Variants in LINGO2 observed in about 807,000 individuals in gnomAD.
LINGO2 encodes the protein leucine rich repeat and Ig domain containing 2.
Under a neutral mutation model 30.6 loss-of-function variants are expected in LINGO2, and 14 were observed. The observed-to-expected ratio is 0.46, with a 90% CI of 0.30 to 0.72. The LOEUF (loss-of-function observed/expected upper bound fraction) is 0.72, where lower values mean the gene tolerates loss of function less well. Ranked by LOEUF, LINGO2 falls within the 30% of genes least tolerant of loss-of-function variation. The pLI, the probability that LINGO2 is intolerant of heterozygous loss-of-function variation, is 0.07. For missense variants in LINGO2, 729 were observed against 751.7 expected (o/e 0.97, Z 0.35); for synonymous variants, 317 against 288.5 (o/e 1.10, Z -1.00).
intron 4 of LINGO2, among the ~76,000 whole-genome samples, chr9:28,181,974 A>C (rs533993314): frequency 3.4e-4 from 52 of 152,272 alleles, no homozygotes; most frequent in African/African-American, 1.1e-3. Flanking sequence ...TTTAAATTTC[A>C]TATGGAATCA....
At chr9:28,860,590 GGATA>G in the LINGO2 span, among the ~76,000 whole-genome samples, 102 of 150,612 alleles carry the variant, frequency 6.8e-4, no homozygotes, top group East Asian at 3.1e-3. Flanking sequence ...ATAGATAGAT[GGATA>G]GATAGATAGA....
Position 28,434,349 on chromosome 9 carries a change from G to GA in LINGO2, c.-279+41590dup, listed in dbSNP as rs5897300. On this transcript the variant is annotated intron_variant, in intron 2 of 5. Transcript: ENST00000379992. The stretch of plus-strand genomic sequence containing the variant: ...AAATAAAAAAAATTAAGAAAAAAAG[G>GA]AAAAAAAAAAAAGAGAGAAGAGTCT... Among the ~76,000 whole-genome samples the GA allele has an allele frequency of 1.1e-3, 156 of 144,520 alleles. 1 individual carries two copies. The highest frequency in any genetic ancestry group is 7.0e-3 in the East Asian group (34 of 4,886). 94.8% of individuals were successfully genotyped at this position (144,520 alleles called of 152,430 possible). A position where few individuals can be genotyped will look rare whatever the true frequency, so the allele number is the denominator to read the frequency against.
chr9:29,054,890 T>G, the LINGO2 span, among the ~76,000 whole-genome samples: 1 of 152,134 alleles, frequency 6.6e-6, no homozygotes. Flanking sequence ...TATTGAGTAT[T>G]AAACCATGAT....
At chr9:28,339,659 C>G (rs2134383202) in intron 3 of LINGO2, among the ~76,000 whole-genome samples, 1 of 152,266 alleles carries the variant, frequency 6.6e-6, no homozygotes, top group South Asian at 2.1e-4. Flanking sequence ...AATATAAACT[C>G]TGAGTTCAGT....
intron 1 of LINGO2, among the ~76,000 whole-genome samples, chr9:28,476,356 G>A (rs1024594919): frequency 5.9e-5 from 9 of 152,104 alleles, no homozygotes; most frequent in Admixed American, 3.9e-4. Flanking sequence ...GCTCACTGCA[G>A]GCTCCGCCTC....
chr9:28,689,974 GA>G, the LINGO2 span, among the ~76,000 whole-genome samples: 1 of 152,104 alleles, frequency 6.6e-6, no homozygotes, highest in Admixed American at 6.6e-5. Flanking sequence ...TGCAGAAACA[GA>G]AAACCAAACA....
chr9:28,492,959 A>AT (rs1194913704), intron 1 of LINGO2, among the ~76,000 whole-genome samples: 1 of 152,136 alleles, frequency 6.6e-6, no homozygotes, highest in Non-Finnish European at 1.5e-5. Flanking sequence ...GTGTTAACCT[A>AT]TTTTATTGGT....
At chr9:29,038,902 A>G in the LINGO2 span, among the ~76,000 whole-genome samples, 5 of 152,294 alleles carry the variant, frequency 3.3e-5, no homozygotes, top group South Asian at 4.1e-4. Flanking sequence ...TACAGTATAA[A>G]TGGTGTCTAC....
the LINGO2 span, among the ~76,000 whole-genome samples, chr9:29,005,330 C>T: frequency 7.9e-5 from 12 of 151,876 alleles, no homozygotes; most frequent in African/African-American, 2.7e-4. Context: ...CACACACAAA[C>T]ACACACAACA....
chr9:29,144,159 C>T, the LINGO2 span, among the ~76,000 whole-genome samples: 3 of 152,182 alleles, frequency 2.0e-5, no homozygotes, highest in East Asian at 1.9e-4. Flanking sequence ...CGTGCTGTTT[C>T]GGTTACTATA....
chr9:28,008,194 G>C (rs892013238), intron 5 of LINGO2, among the ~76,000 whole-genome samples: 1 of 152,106 alleles, frequency 6.6e-6, no homozygotes. Flanking sequence ...TTATGTTGCT[G>C]AGTTGCAAAC....
chr9:28,219,851 T>C (rs767764799), intron 4 of LINGO2, among the ~76,000 whole-genome samples: 3 of 152,170 alleles, frequency 2.0e-5, no homozygotes, highest in Non-Finnish European at 2.9e-5. Flanking sequence ...ATAACAAAGA[T>C]TAAAATATTA....
At chr9:28,424,544 C>G (rs946585098) in intron 2 of LINGO2, among the ~76,000 whole-genome samples, 1 of 152,098 alleles carries the variant, frequency 6.6e-6, no homozygotes, top group African/African-American at 2.4e-5. Context: ...AACAACTGAC[C>G]AGCAGAATCA....
At chr9:28,629,325 TGTATTCTTTG>T (rs1826826018) in intron 1 of LINGO2, among the ~76,000 whole-genome samples, 1 of 152,078 alleles carries the variant, frequency 6.6e-6, no homozygotes, top group Non-Finnish European at 1.5e-5. Flanking sequence ...GCTACTTAAA[TGTATTCTTTG>T]GTAAGTTTGT....
chr9:27,961,467 C>T (rs1340073211), intron 5 of LINGO2, among the ~76,000 whole-genome samples: 1 of 152,050 alleles, frequency 6.6e-6, no homozygotes, highest in Non-Finnish European at 1.5e-5. Flanking sequence ...AAACACTCTG[C>T]AATTGGGGAC....
the LINGO2 span, among the ~76,000 whole-genome samples, chr9:29,157,199 C>G: frequency 3.3e-5 from 5 of 152,068 alleles, no homozygotes; most frequent in African/African-American, 4.8e-5. Flanking sequence ...ATAACAGTGC[C>G]TTTCCAATAT....
chr9:28,258,101 G>C (rs1331055335), intron 4 of LINGO2, among the ~76,000 whole-genome samples: 2 of 151,916 alleles, frequency 1.3e-5, no homozygotes, highest in Admixed American at 1.3e-4. Flanking sequence ...GCTAATAAAT[G>C]ATGAGGTGTC....
At chr9:29,208,516 T>C in the LINGO2 span, among the ~76,000 whole-genome samples, 1 of 152,070 alleles carries the variant, frequency 6.6e-6, no homozygotes, top group Non-Finnish European at 1.5e-5. Flanking sequence ...TGTTAATATC[T>C]CATTCAGAGA....
intron 2 of LINGO2, among the ~76,000 whole-genome samples, chr9:28,411,281 A>C (rs945294957): frequency 6.6e-6 from 1 of 152,066 alleles, no homozygotes; most frequent in African/African-American, 2.4e-5. Flanking sequence ...TTCAAAATCT[A>C]TCAAGTTTTC....
Sources: gnomAD v4.1 joint callset for allele counts (sites outside exome capture counted in the v4.1 genomes callset) on GRCh38, gnomAD v4.1.1 for gene constraint, MANE v1.5 for transcripts, NCBI Gene and HGNC (gene_info 2026-07-23, HGNC 2026-07-21) for gene names.